The following TTC28 variants were observed in gnomAD, a reference collection of about 807,000 sequenced individuals.
TTC28 encodes the protein tetratricopeptide repeat protein 28.
A neutral mutation model predicts 198.0 loss-of-function variants in TTC28; 61 were observed. The ratio of observed to expected loss-of-function variants is 0.31; its 90% CI spans 0.25 to 0.38. The LOEUF is 0.38. Among genes scored for constraint, TTC28 ranks in the 10% least tolerant of loss-of-function variants. The pLI is 1.00. For missense variants in TTC28, 2,678 were observed against 3,164.0 expected, an observed-to-expected ratio of 0.85 and a Z score of 3.69; for synonymous variants, 1,171 against 1,297.8, an observed-to-expected ratio of 0.90 and a Z score of 2.10.
chr22:28,107,583 G>A lies in TTC28; in HGVS notation c.2262C>T (p.Ala754=). ...AHQVKDRRLE[A]SAYAALGTAY... is the part of the protein sequence containing the mutation. ...CAGTGCCCAGGGCTGCATATGCACTGGCTTCTAATCTTCTGTCCTTTACCT... is the reference window on the plus strand; with the variant it reads ...CAGTGCCCAGGGCTGCATATGCACTAGCTTCTAATCTTCTGTCCTTTACCT... Residue 754 remains alanine, a synonymous_variant, in exon 7 of 23, where the codon GCC becomes GCT. Coordinates refer to ENST00000397906, the MANE Select transcript of TTC28 (RefSeq NM_001145418.2). 1 of 1,551,760 alleles carries A rather than the reference G, an allele frequency of 6.4e-7. No homozygotes were observed. Among genetic ancestry groups the A allele is most frequent in the Non-Finnish European group, 8.7e-7 (1 of 1,147,014 alleles).
chr22:28,596,188 T>G (rs550275405), intron 2 of TTC28, among the ~76,000 whole-genome samples: 2 of 152,092 alleles, frequency 1.3e-5, no homozygotes, highest in South Asian at 4.1e-4. Flanking sequence ...CCAGTCATAA[T>G]CACATGGAAA....
intron 1 of TTC28, among the ~76,000 whole-genome samples, chr22:28,631,728 G>A (rs975095691): frequency 6.6e-6 from 1 of 152,060 alleles, no homozygotes; most frequent in African/African-American, 2.4e-5. Flanking sequence ...GTCTCCTCAT[G>A]TTGCCGAGGC....
intron 5 of TTC28, among the ~76,000 whole-genome samples, chr22:28,245,786 A>G (rs1211264064): frequency 6.6e-6 from 1 of 152,226 alleles, no homozygotes; most frequent in Non-Finnish European, 1.5e-5. Flanking sequence ...CACTGCCTCT[A>G]GAACAAAGGT....
At chr22:28,473,538 A>G (rs1034405256) in intron 2 of TTC28, among the ~76,000 whole-genome samples, 12 of 152,202 alleles carry the variant, frequency 7.9e-5, no homozygotes, top group African/African-American at 2.7e-4. Flanking sequence ...AAATTTCTGA[A>G]TAACCCACCC....
chr22:28,444,074 TTGAG>T (rs889326716), intron 2 of TTC28, among the ~76,000 whole-genome samples: 22 of 152,342 alleles, frequency 1.4e-4, no homozygotes, highest in African/African-American at 5.3e-4. Context: ...TCTATGGGGA[TTGAG>T]TTTCATTCAT....
chr22:28,254,704 A>G (rs1358227029), intron 5 of TTC28, among the ~76,000 whole-genome samples: 3 of 152,194 alleles, frequency 2.0e-5, no homozygotes, highest in Non-Finnish European at 4.4e-5. Context: ...CCTAGGTGCT[A>G]GAAACAAAGA....
chr22:28,062,312 C>T lies in TTC28; in HGVS notation c.3932+31768G>A, dbSNP rs572082747. ...TTGACCTCAAATGATCTGTCTGCCT[C>T]GGCCTCCCAAAGTGCTGGGACTACA... On this transcript the variant is annotated intron_variant, in intron 12 of 22. Transcript: ENST00000397906. Among the ~76,000 whole-genome samples the T allele has an allele frequency of 1.4e-4, 21 of 151,920 alleles. No homozygotes were observed. In the Middle Eastern group the frequency reaches 0.01, roughly 74 times the overall value.
At chr22:28,509,876 C>T (rs564335387) in intron 2 of TTC28, among the ~76,000 whole-genome samples, 2 of 152,088 alleles carry the variant, frequency 1.3e-5, no homozygotes, top group East Asian at 1.9e-4. Flanking sequence ...TACAAACAAC[C>T]ATCAGAGAAT....
At chr22:28,059,781 T>G (rs1293355700) in intron 12 of TTC28, among the ~76,000 whole-genome samples, 1 of 151,992 alleles carries the variant, frequency 6.6e-6, no homozygotes, top group Non-Finnish European at 1.5e-5. Context: ...AATTGATTCT[T>G]TTATCATTAA....
Position 28,301,440 on chromosome 22 carries a change from C to T in TTC28, c.530-3588G>A, listed in dbSNP as rs572250530. 4.6e-5 allele frequency among the ~76,000 whole-genome samples: 7 copies of T among 152,240 alleles called. 1 individual carries two copies. The South Asian group carries it at 1.5e-3, about 32-fold the overall frequency. On this transcript the variant is annotated intron_variant, in intron 3 of 22. Coordinates refer to ENST00000397906, the MANE Select transcript of TTC28 (RefSeq NM_001145418.2). ...ATTAAGTGTTTTTGAAATGTAAAGG[C>T]TTTAAAAATTTAAGATGAACAAAAT...
chr22:28,613,127 C>A (rs1222975617), intron 2 of TTC28, among the ~76,000 whole-genome samples: 1 of 151,984 alleles, frequency 6.6e-6, no homozygotes, highest in Non-Finnish European at 1.5e-5. Context: ...ATCAAAAAAA[C>A]ACAATAAAAA....
chr22:28,134,134 C>G (rs193119184), intron 6 of TTC28, among the ~76,000 whole-genome samples: 42 of 152,318 alleles, frequency 2.8e-4, no homozygotes, highest in African/African-American at 8.9e-4. Context: ...TCCAACAGAC[C>G]TGCAGCTAAG....
intron 2 of TTC28, among the ~76,000 whole-genome samples, chr22:28,558,538 G>A (rs2049820051): frequency 6.6e-6 from 1 of 152,028 alleles, no homozygotes; most frequent in Non-Finnish European, 1.5e-5. Flanking sequence ...AGCCGGGCAT[G>A]GTGGCGCATG....
chr22:28,471,557 G>C (rs1230497852), intron 2 of TTC28, among the ~76,000 whole-genome samples: 1 of 152,052 alleles, frequency 6.6e-6, no homozygotes, highest in African/African-American at 2.4e-5. Context: ...TTATCACTTG[G>C]AAACAACAGG....
At chr22:28,232,511 G>A (rs1249850365) in intron 5 of TTC28, among the ~76,000 whole-genome samples, 4 of 152,276 alleles carry the variant, frequency 2.6e-5, no homozygotes, top group East Asian at 1.9e-4. Flanking sequence ...TGGAGTTTCC[G>A]TTCCGGGGTA....
intron 6 of TTC28, among the ~76,000 whole-genome samples, chr22:28,135,212 G>A (rs777624596): frequency 3.9e-5 from 6 of 152,184 alleles, no homozygotes; most frequent in Non-Finnish European, 7.3e-5. Flanking sequence ...CTACCTTGGG[G>A]TGGAAGTCAG....
At chr22:28,576,132 T>C (rs1022928919) in intron 2 of TTC28, among the ~76,000 whole-genome samples, 2 of 152,134 alleles carry the variant, frequency 1.3e-5, no homozygotes, top group East Asian at 1.9e-4. Flanking sequence ...TGTAGCTCTG[T>C]TGTACATGGC....
rs558999834 is a variant in TTC28, at chr22:28,041,102, A to T, written c.3933-10736T>A. On this transcript the variant is annotated intron_variant, in intron 12 of 22. Coordinates refer to ENST00000397906, the MANE Select transcript of TTC28 (RefSeq NM_001145418.2). ...AAAAGAGGGCACAAACAAATGGAAG[A>T]ACATTCCATGCTCATGGATAGGAAG... Among the ~76,000 whole-genome samples, 9 of 152,368 alleles carry T rather than the reference A, an allele frequency of 5.9e-5. No homozygotes were observed. In the East Asian group the frequency reaches 1.5e-3, roughly 26 times the overall value.
intron 12 of TTC28, among the ~76,000 whole-genome samples, chr22:28,071,514 T>C (rs965937829): frequency 1.4e-5 from 2 of 143,354 alleles, no homozygotes; most frequent in Non-Finnish European, 3.0e-5. Context: ...TTCTCACTCA[T>C]AGGTGGGACT....
Sources: allele counts gnomAD v4.1 joint callset (sites outside exome capture counted in the v4.1 genomes callset), GRCh38; gene constraint gnomAD v4.1.1; transcripts MANE v1.5; gene names NCBI Gene and HGNC (gene_info 2026-07-23, HGNC 2026-07-21).